Variants in DCUN1D1 observed in about 807,000 individuals in gnomAD.
DCUN1D1 encodes the protein defective in cullin neddylation 1 domain containing 1.
DCUN1D1 carries 3 observed loss-of-function variants against 39.0 expected under a neutral mutation model. The ratio of observed to expected loss-of-function variants is 0.08; its 90% CI spans 0.04 to 0.20. DCUN1D1 has a LOEUF of 0.20. DCUN1D1 is among the 10% of genes least tolerant of loss of function. DCUN1D1 has a pLI of 1.00. For missense variants in DCUN1D1, 158 were observed against 302.4 expected (o/e 0.52, Z 3.54); for synonymous variants, 82 against 96.3 (o/e 0.85, Z 0.87).
At chr3:182,975,412 G>A (rs1161707891) in intron 1 of DCUN1D1, among the ~76,000 whole-genome samples, 2 of 151,906 alleles carry the variant, frequency 1.3e-5, no homozygotes, top group South Asian at 2.1e-4. Context: ...TCCTGACCTT[G>A]TGATCCGCCC....
intron 4 of DCUN1D1, among the ~76,000 whole-genome samples, chr3:182,960,528 CACCTTGTCCAGGAAGCATTTCCCA>C (rs1727328930): frequency 6.6e-6 from 1 of 152,176 alleles, no homozygotes; most frequent in African/African-American, 2.4e-5. Context: ...GTTCATATCC[CACCTTGTCCAGGAAGCATTTCCCA>C]ACCACTCCTG....
Position 182,963,923 on chromosome 3 carries a change from T to A in DCUN1D1, c.347A>T (p.Glu116Val). 6.2e-7 allele frequency: 1 copy of A among 1,613,514 alleles called. No homozygotes were observed. Among genetic ancestry groups the A allele is most frequent in the South Asian group, 1.1e-5 (1 of 90,994 alleles). The part of the protein sequence containing the change: ...AWKFRAATQC[E>V]FSKQEFMDGM... ...ATCCATGAACTCCTGTTTGGAGAAC[T>A]CGCACTGTGTTGCTGCTCTGAACTT... The change falls in exon 3 of 7, where the codon GAG becomes GTG. Residue 116 changes from glutamate (E) to valine (V), a missense_variant. Coordinates refer to ENST00000292782, the MANE Select transcript of DCUN1D1 (RefSeq NM_020640.4).
chr3:182,961,164 C>CT, intron 4 of DCUN1D1, 62 bp downstream of exon 4: 1 of 1,154,584 alleles, frequency 8.7e-7, no homozygotes, highest in Non-Finnish European at 1.2e-6. Flanking sequence ...ATTACAAAAA[C>CT]GACACTGTCA....
chr3:182,985,849 T>C (rs1159043545), exon 1 of DCUN1D1: 1 of 152,186 alleles, frequency 6.6e-6, no homozygotes, highest in Non-Finnish European at 1.5e-5. Context: ...TCAAGGTACA[T>C]GTGGATCTGT....
chr3:182,964,935 A>G (rs1368706326), intron 2 of DCUN1D1, among the ~76,000 whole-genome samples: 1 of 152,150 alleles, frequency 6.6e-6, no homozygotes, highest in Non-Finnish European at 1.5e-5. Flanking sequence ...CACCACGCCC[A>G]GCCTTGCTAA....
At chr3:182,974,895 T>C (rs1728142524) in intron 1 of DCUN1D1, among the ~76,000 whole-genome samples, 1 of 152,206 alleles carries the variant, frequency 6.6e-6, no homozygotes, top group Non-Finnish European at 1.5e-5. Flanking sequence ...TCCTTCTGTT[T>C]TGCTTTTTCT....
intron 4 of DCUN1D1, among the ~76,000 whole-genome samples, chr3:182,950,624 T>C (rs529687188): frequency 2.0e-5 from 3 of 152,218 alleles, no homozygotes; most frequent in East Asian, 1.9e-4. Context: ...ACAGGTAACC[T>C]TGAAATAGCA....
At chr3:182,956,751 T>A (rs995156101) in intron 4 of DCUN1D1, among the ~76,000 whole-genome samples, 1 of 152,262 alleles carries the variant, frequency 6.6e-6, no homozygotes, top group Admixed American at 6.5e-5. Flanking sequence ...TCATAGACTT[T>A]AGTCTAATAA....
rs1235274997 is a variant in DCUN1D1 at position 182,947,347 on chromosome 3, C to A, written c.604-13G>T. ...GTTTATGATGTTCCTATTTAAAAAA[C>A]AAAAACAAAATACATTTGTATCACT... On this transcript the variant is annotated splice_polypyrimidine_tract_variant and intron_variant, in intron 5 of 6. Transcript: ENST00000292782. 2.6e-6 allele frequency: 4 copies of A among 1,535,952 alleles called. No homozygotes were observed. The highest frequency in any genetic ancestry group is 3.6e-6 in the Non-Finnish European group (4 of 1,126,458).
At chr3:182,951,696 CTT>C (rs1316828811) in intron 4 of DCUN1D1, among the ~76,000 whole-genome samples, 6 of 109,366 alleles carry the variant, frequency 5.5e-5, no homozygotes, top group African/African-American at 6.6e-5. Flanking sequence ...AAGATAATTT[CTT>C]TTTTTTTTTT....
At chr3:182,962,677 T>C (rs548585171) in intron 3 of DCUN1D1, among the ~76,000 whole-genome samples, 1 of 152,366 alleles carries the variant, frequency 6.6e-6, no homozygotes, top group Admixed American at 6.5e-5. Flanking sequence ...AGCAGCTTAC[T>C]GCAACTGCTA....
intron 4 of DCUN1D1, chr3:182,955,929 CTT>C (rs71185615): frequency 4.8e-4 from 63 of 132,230 alleles, no homozygotes; most frequent in South Asian, 9.7e-4. Context: ...GCTTATCAAA[CTT>C]TTTTTTTTTT....
chr3:182,971,588 CA>C (rs1232852458), intron 1 of DCUN1D1, among the ~76,000 whole-genome samples: 11 of 138,966 alleles, frequency 7.9e-5, no homozygotes, highest in South Asian at 4.7e-4. Flanking sequence ...AAAAAAAAAA[CA>C]AAAAAAAAAC....
At position 182,961,365 on chromosome 3, in the gene DCUN1D1, TA is replaced by T. The variant is rs779321439; in HGVS notation, c.390-10del. ...TTTCTATGCTGTCACATCTGCGTCG[TA>T]AAATTAAGTTTATAAAAGATTAACT... On this transcript the variant is annotated splice_polypyrimidine_tract_variant and intron_variant, in intron 3 of 6. Transcript: ENST00000292782. The T allele has an allele frequency of 2.2e-5, 35 of 1,577,458 alleles. No individual in the cohort carries two copies. Among genetic ancestry groups the T allele is most frequent in the Middle Eastern group, 1.7e-4 (1 of 5,936 alleles).
chr3:182,981,209 G>A (rs995747677), upstream of DCUN1D1, among the ~76,000 whole-genome samples: 1 of 152,140 alleles, frequency 6.6e-6, no homozygotes, highest in Non-Finnish European at 1.5e-5. Flanking sequence ...CCTATAGTGA[G>A]ATGGGGTGGG....
At chr3:182,970,007 A>C (rs1268759689) in intron 1 of DCUN1D1, among the ~76,000 whole-genome samples, 1 of 152,184 alleles carries the variant, frequency 6.6e-6, no homozygotes, top group East Asian at 1.9e-4. Context: ...GTAATCCAGC[A>C]CTTTGGGAGG....
rs1726217092 is a variant in DCUN1D1 at position 182,943,118 on chromosome 3, A to G, written c.*1976T>C. ...TTAAAGAAAACACTTTATATTGAAA[A>G]AAAAAAAAAAAAAAAAAAGCTAATG... On this transcript the variant is annotated 3_prime_UTR_variant, in exon 7 of 7. Transcript: ENST00000292782. 7.7e-6 allele frequency: 1 copy of G among 130,634 alleles called. No homozygotes were observed. Among genetic ancestry groups the G allele is most frequent in the African/African-American group, 4.0e-5 (1 of 24,960 alleles). 8.1% of individuals were successfully genotyped at this position (130,634 alleles called of 1,614,324 possible).
At chr3:182,963,537 AG>A (rs939284018) in intron 3 of DCUN1D1, among the ~76,000 whole-genome samples, 75 of 152,340 alleles carry the variant, frequency 4.9e-4, no homozygotes, top group Middle Eastern at 3.4e-3. Flanking sequence ...TTTAAATTCT[AG>A]GATTTTATAA....
At chr3:182,948,359 A>G (rs1726524138) in intron 4 of DCUN1D1, among the ~76,000 whole-genome samples, 1 of 152,226 alleles carries the variant, frequency 6.6e-6, no homozygotes, top group Admixed American at 6.5e-5. Flanking sequence ...CTGGGCATGG[A>G]CCAGAGAAGG....
Sources: gnomAD v4.1 joint callset for allele counts (sites outside exome capture counted in the v4.1 genomes callset) on GRCh38, gnomAD v4.1.1 for gene constraint, MANE v1.5 for transcripts, NCBI Gene and HGNC (gene_info 2026-07-23, HGNC 2026-07-21) for gene names.